TRIM4: variants seen among roughly 807,000 people sequenced by gnomAD.
TRIM4 encodes the protein tripartite motif containing 4.
Under a neutral mutation model 33.7 loss-of-function variants are expected in TRIM4, and 29 were observed. That is an observed-to-expected ratio of 0.86 (90% confidence interval 0.64 to 1.17). The LOEUF is 1.17. Ranked by LOEUF, TRIM4 falls within the 50% of genes most tolerant of loss-of-function variation. The pLI, the probability that TRIM4 is intolerant of heterozygous loss-of-function variation, is 0.00. For synonymous variants in TRIM4, 224 were observed against 233.0 expected, an observed-to-expected ratio of 0.96 and a Z score of 0.35; for missense variants, 554 against 593.7, an observed-to-expected ratio of 0.93 and a Z score of 0.69.
At chr7:99,907,261 G>A (rs1819328005) in intron 3 of TRIM4, among the ~76,000 whole-genome samples, 1 of 152,160 alleles carries the variant, frequency 6.6e-6, no homozygotes, top group Admixed American at 6.5e-5. Flanking sequence ...GAGATTACAG[G>A]TATGTGCCAC....
In TRIM4 at chr7:99,892,112, G is replaced by A; in HGVS notation, c.*51C>T. 2 of 1,468,300 alleles carry A rather than the reference G, an allele frequency of 1.4e-6. No individual in the cohort carries two copies. Among genetic ancestry groups the A allele is most frequent in the African/African-American group, 2.8e-5 (2 of 71,480 alleles). 91.0% of individuals were successfully genotyped at this position (1,468,300 alleles called of 1,614,324 possible). On this transcript the variant is annotated 3_prime_UTR_variant, in exon 6 of 6. Transcript: ENST00000349062. The stretch of plus-strand genomic sequence containing the variant: ...GGCAGAAGAGGGCCCAGGGATGTGT[G>A]TCCCTCAGCTGGACTACAGGGAAGG...
At chr7:99,902,496 C>T (rs1319046828) in intron 5 of TRIM4, among the ~76,000 whole-genome samples, 1 of 152,178 alleles carries the variant, frequency 6.6e-6, no homozygotes. Context: ...ATCCGCCTGC[C>T]TCGACCTCCC....
At chr7:99,916,035 T>C (rs1819548414) in intron 1 of TRIM4, among the ~76,000 whole-genome samples, 1 of 152,176 alleles carries the variant, frequency 6.6e-6, no homozygotes, top group Non-Finnish European at 1.5e-5. Context: ...CCTAATAGGA[T>C]GTCTATGAAG....
chr7:99,903,544 C>G, intron 4 of TRIM4, 32 bp downstream of exon 4: 2 of 1,614,038 alleles, frequency 1.2e-6, no homozygotes, highest in Non-Finnish European at 1.7e-6. Flanking sequence ...ACCATGCCAC[C>G]CAGGTCCCCA....
chr7:99,914,989 T>C (rs1371633731), intron 1 of TRIM4, among the ~76,000 whole-genome samples: 2 of 151,960 alleles, frequency 1.3e-5, no homozygotes, highest in African/African-American at 2.4e-5. Flanking sequence ...TTTGTATTTT[T>C]AGTAAAGACA....
intron 5 of TRIM4, among the ~76,000 whole-genome samples, chr7:99,898,014 C>T (rs1056013734): frequency 1.3e-5 from 2 of 152,244 alleles, no homozygotes; most frequent in African/African-American, 4.8e-5. Context: ...ACTATTGGGT[C>T]TGCAGAGAGT....
rs758210814 is a variant in TRIM4 at position 99,908,672 on chromosome 7, C to T, written c.630G>A (p.Thr210=). Residue 210 remains threonine, a synonymous_variant, in exon 3 of 6, where the codon ACG becomes ACA. Coordinates refer to ENST00000349062, the MANE Select transcript of TRIM4 (RefSeq NM_033091.3). ...AAGCGATAGTTTGATTGAGTTTTAA[C>T]GTGTTCTCATTCAGCTTCTTCTTCG... ...EETKKKLNEN[T]LKLNQTIASL... 6.8e-6 allele frequency: 11 copies of T among 1,614,156 alleles called. No individual in the cohort carries two copies. The highest frequency in any genetic ancestry group is 6.7e-5 in the East Asian group (3 of 44,880).
intron 3 of TRIM4, chr7:99,908,340 G>T: frequency 2.4e-6 from 1 of 416,596 alleles, no homozygotes; most frequent in Non-Finnish European, 4.3e-6. Context: ...TCAGATCCTA[G>T]ATGAACTATG....
At chr7:99,893,884 CT>C (rs1178996588) in intron 5 of TRIM4, among the ~76,000 whole-genome samples, 3 of 151,500 alleles carry the variant, frequency 2.0e-5, no homozygotes, top group South Asian at 4.2e-4. Flanking sequence ...AGTTTGAGGA[CT>C]TTTTTTAAAA....
At chr7:99,896,264 G>A in intron 5 of TRIM4, among the ~76,000 whole-genome samples, 1 of 152,274 alleles carries the variant, frequency 6.6e-6, no homozygotes, top group Admixed American at 6.5e-5. Flanking sequence ...CAAGTAGAAT[G>A]TGGGTTCACA....
intron 1 of TRIM4, among the ~76,000 whole-genome samples, chr7:99,915,228 G>T (rs932642765): frequency 6.6e-6 from 1 of 152,144 alleles, no homozygotes; most frequent in Non-Finnish European, 1.5e-5. Flanking sequence ...GAGCTCCATG[G>T]AAAGCCTTTA....
At chr7:99,916,043 A>T (rs1297233294) in intron 1 of TRIM4, among the ~76,000 whole-genome samples, 1 of 152,220 alleles carries the variant, frequency 6.6e-6, no homozygotes, top group East Asian at 1.9e-4. Context: ...GATGTCTATG[A>T]AGATTAAAGA....
chr7:99,906,726 C>A (rs1266060377), intron 3 of TRIM4, among the ~76,000 whole-genome samples: 2 of 152,044 alleles, frequency 1.3e-5, no homozygotes, highest in African/African-American at 4.8e-5. Flanking sequence ...CACCTGTAAT[C>A]CCCGAACACT....
At position 99,919,035 on chromosome 7, in the gene TRIM4, TG is replaced by T; in HGVS notation, c.366del (p.Ile123SerfsTer23). On this transcript the variant is annotated frameshift_variant, in exon 1 of 6. Transcript: ENST00000349062. LOFTEE classifies it high-confidence loss of function. ...CGGTAGCTCTCGAAGGCCTCGTCGA[TG>T]GGTGCCATGGCGTGAGTCTGGTGCT... The part of the protein sequence containing the change: ...SQEHQTHAMA[P>X]IDEAFESYRE... 1 of 1,587,010 alleles carries T rather than the reference TG, an allele frequency of 6.3e-7. No individual in the cohort carries two copies. The highest frequency in any genetic ancestry group is 2.4e-5 in the East Asian group (1 of 42,312).
chr7:99,919,525 C>T lies in TRIM4; in HGVS notation c.-124G>A, dbSNP rs1014636505. The T allele has an allele frequency of 9.6e-6, 11 of 1,143,734 alleles. No individual in the cohort carries two copies. The African/African-American group carries it at 1.8e-4, about 19-fold the overall frequency. 70.8% of individuals were successfully genotyped at this position (1,143,734 alleles called of 1,614,324 possible). Reference sequence around the variant, plus strand: ...CGTCACCGCCTCACGTAAAAGGGTACAACGCAGTTTCTCTTCCGGGGTTCA... The same window carrying T: ...CGTCACCGCCTCACGTAAAAGGGTATAACGCAGTTTCTCTTCCGGGGTTCA... On this transcript the variant is annotated 5_prime_UTR_variant, in exon 1 of 6. Coordinates refer to ENST00000349062, the MANE Select transcript of TRIM4 (RefSeq NM_033091.3).
chr7:99,896,702 C>T (rs769621409), intron 5 of TRIM4, among the ~76,000 whole-genome samples: 3 of 152,232 alleles, frequency 2.0e-5, no homozygotes, highest in Non-Finnish European at 4.4e-5. Context: ...GGAGAATCCA[C>T]GGTGGAAATC....
At chr7:99,897,165 A>G (rs1011910156) in intron 5 of TRIM4, among the ~76,000 whole-genome samples, 1 of 152,110 alleles carries the variant, frequency 6.6e-6, no homozygotes, top group South Asian at 2.1e-4. Flanking sequence ...AGTGGCAGGG[A>G]GGATGAGGAC....
chr7:99,905,050 TA>T (rs57743736), intron 3 of TRIM4, among the ~76,000 whole-genome samples: 71,091 of 147,830 alleles, frequency 0.48, 17,162 homozygotes, highest in Non-Finnish European at 0.54. Flanking sequence ...AAATAAAAAT[TA>T]AAAAAAAAAA....
At chr7:99,898,109 A>AT (rs1222934694) in intron 5 of TRIM4, among the ~76,000 whole-genome samples, 1 of 152,192 alleles carries the variant, frequency 6.6e-6, no homozygotes, top group Non-Finnish European at 1.5e-5. Flanking sequence ...ATTTGGCATG[A>AT]TAAGTCTCAC....
Sources: gnomAD v4.1 joint callset for allele counts (sites outside exome capture counted in the v4.1 genomes callset) on GRCh38, gnomAD v4.1.1 for gene constraint, MANE v1.5 for transcripts, NCBI Gene and HGNC (gene_info 2026-07-23, HGNC 2026-07-21) for gene names.